Variants in IGSF5 observed in about 807,000 individuals in gnomAD.
IGSF5 encodes immunoglobulin superfamily 5 like.
A neutral mutation model predicts 39.4 loss-of-function variants in IGSF5; 41 were observed. The observed-to-expected ratio is 1.04, with a 90% CI of 0.81 to 1.35. The LOEUF (loss-of-function observed/expected upper bound fraction) is 1.35. Ranked by LOEUF, IGSF5 falls within the 40% of genes most tolerant of loss-of-function variation. The pLI is 0.00. For synonymous variants in IGSF5, 183 were observed against 175.3 expected, an observed-to-expected ratio of 1.04 and a Z score of -0.34; for missense variants, 487 against 494.6, an observed-to-expected ratio of 0.98 and a Z score of 0.15.
At chr21:39,778,973 C>A in intron 4 of IGSF5, 117 bp from the exon 5 acceptor site, 1 of 1,248,280 alleles carries the variant, frequency 8.0e-7, no homozygotes, top group Non-Finnish European at 1.1e-6. Flanking sequence ...GACGCCTAGC[C>A]ATAGCAGGCT....
chr21:39,770,261 G>A (rs2837194), intron 3 of IGSF5, among the ~76,000 whole-genome samples: 47,442 of 136,618 alleles, frequency 0.35, 7,999 homozygotes, highest in Non-Finnish European at 0.41. Context: ...TGACCTATGC[G>A]AGAGTGTTCT....
At chr21:39,792,843 G>C (rs545465121) in intron 7 of IGSF5, among the ~76,000 whole-genome samples, 1 of 152,166 alleles carries the variant, frequency 6.6e-6, no homozygotes, top group Non-Finnish European at 1.5e-5. Context: ...GATGAGAGGG[G>C]AAGGCTGAAC....
intron 4 of IGSF5, among the ~76,000 whole-genome samples, chr21:39,771,708 T>C (rs934812511): frequency 1.3e-5 from 2 of 152,198 alleles, no homozygotes; most frequent in African/African-American, 4.8e-5. Flanking sequence ...TATATGTATA[T>C]AGTTTAACTT....
chr21:39,751,373 G>T (rs2080004795), intron 2 of IGSF5: 1 of 152,276 alleles, frequency 6.6e-6, no homozygotes, highest in African/African-American at 2.4e-5. Flanking sequence ...ACAGGTGTTT[G>T]TCAAGTGAGT....
chr21:39,789,171 G>A (rs1201721310), intron 6 of IGSF5, among the ~76,000 whole-genome samples: 1 of 138,188 alleles, frequency 7.2e-6, no homozygotes, highest in Non-Finnish European at 1.6e-5. Context: ...TGGACTCTCG[G>A]TTCACCATTG....
At chr21:39,769,240 C>A (rs921236927) in intron 3 of IGSF5, among the ~76,000 whole-genome samples, 2 of 152,262 alleles carry the variant, frequency 1.3e-5, no homozygotes, top group Middle Eastern at 6.8e-3. Context: ...TTTTGGGAGG[C>A]CCAGGCGGGC....
At chr21:39,774,708 T>C (rs1416259482) in intron 4 of IGSF5, among the ~76,000 whole-genome samples, 1 of 152,208 alleles carries the variant, frequency 6.6e-6, no homozygotes, top group East Asian at 1.9e-4. Context: ...TTTGTGCACT[T>C]ATTTGTGTGT....
At chr21:39,734,501 G>A in the IGSF5 span, among the ~76,000 whole-genome samples, 3 of 146,316 alleles carry the variant, frequency 2.1e-5, no homozygotes, top group Non-Finnish European at 4.5e-5. Flanking sequence ...ATATCATACA[G>A]AATAGTTTTG....
the IGSF5 span, among the ~76,000 whole-genome samples, chr21:39,723,193 T>G: frequency 3.9e-5 from 6 of 152,314 alleles, no homozygotes; most frequent in South Asian, 6.2e-4. Context: ...AAGGCTCCAC[T>G]GGGGAAGGAT....
chr21:39,712,146 A>G, the IGSF5 span, among the ~76,000 whole-genome samples: 26,479 of 152,038 alleles, frequency 0.17, 4,177 homozygotes, highest in African/African-American at 0.42. Flanking sequence ...TATTGATTTC[A>G]AGAGAATATT....
chr21:39,744,171 A>G (rs572437311), upstream of IGSF5, among the ~76,000 whole-genome samples: 3 of 152,122 alleles, frequency 2.0e-5, no homozygotes, highest in South Asian at 6.2e-4. Flanking sequence ...CTTGACCACA[A>G]AGAAAGGGGT....
rs61737685 is a variant in IGSF5 at position 39,771,031 on chromosome 21, C to T, written c.534C>T (p.Leu178=). 12,971 of 1,613,416 alleles carry T rather than the reference C, an allele frequency of 8.0e-3. 841 individuals are homozygous for T. In the African/African-American group the frequency reaches 0.15, roughly 18 times the overall value. ...WTRLPDISWE[L]GLLVSHSSYY... ...GGCTCCCGGATATTTCCTGGGAGCT[C>T]GGTCTCCTGGTCAGCCATTCAAGCT... Residue 178 remains leucine (L), a synonymous_variant, in exon 4 of 9, where the codon CTC becomes CTT. Coordinates refer to ENST00000380588, the MANE Select transcript of IGSF5 (RefSeq NM_001080444.2).
intron 5 of IGSF5, among the ~76,000 whole-genome samples, chr21:39,781,919 G>A (rs1250355294): frequency 1.3e-5 from 2 of 152,074 alleles, no homozygotes; most frequent in Non-Finnish European, 2.9e-5. Context: ...TGAGTCATAG[G>A]AAGTATTTCC....
At chr21:39,755,438 T>C (rs4995785) in intron 2 of IGSF5, among the ~76,000 whole-genome samples, 16,325 of 151,616 alleles carry the variant, frequency 0.11, 2,876 homozygotes, top group African/African-American at 0.37. Context: ...TACAAAAAAA[T>C]TAGCCGAGCA....
intron 2 of IGSF5, among the ~76,000 whole-genome samples, chr21:39,763,676 C>T (rs1325319333): frequency 1.3e-5 from 2 of 152,156 alleles, no homozygotes; most frequent in Admixed American, 1.3e-4. Flanking sequence ...TCACCCACCC[C>T]ATCATCCCCA....
At chr21:39,776,953 C>T (rs780201789) in intron 4 of IGSF5, among the ~76,000 whole-genome samples, 4 of 152,208 alleles carry the variant, frequency 2.6e-5, no homozygotes, top group Non-Finnish European at 5.9e-5. Flanking sequence ...AGGATGACCA[C>T]TGCCATCTTG....
chr21:39,731,650 C>G, the IGSF5 span, among the ~76,000 whole-genome samples: 1 of 152,150 alleles, frequency 6.6e-6, no homozygotes, highest in African/African-American at 2.4e-5. Flanking sequence ...GTGCAAGTAG[C>G]TTTTAGAAGC....
chr21:39,747,100 C>A (rs192341900), intron 2 of IGSF5, among the ~76,000 whole-genome samples: 1 of 152,188 alleles, frequency 6.6e-6, no homozygotes, highest in African/African-American at 2.4e-5. Flanking sequence ...TCTGTTTTCA[C>A]GCTGCTGAAG....
the IGSF5 span, among the ~76,000 whole-genome samples, chr21:39,720,400 A>G: frequency 5.3e-5 from 8 of 152,142 alleles, no homozygotes; most frequent in South Asian, 1.7e-3. Flanking sequence ...GACCAGGACC[A>G]GTTTATGGCC....
Sources: gnomAD v4.1 joint callset for allele counts (sites outside exome capture counted in the v4.1 genomes callset) on GRCh38, gnomAD v4.1.1 for gene constraint, MANE v1.5 for transcripts, NCBI Gene and HGNC (gene_info 2026-07-23, HGNC 2026-07-21) for gene names.